MPP7: variants seen among roughly 807,000 people sequenced by gnomAD.
MPP7 encodes the protein MAGUK p55 subfamily member 7.
In MPP7, 60 loss-of-function variants were observed where a neutral mutation model predicts 76.5. That is an observed-to-expected ratio of 0.78 (90% CI 0.64 to 0.97). MPP7 has a LOEUF of 0.97. MPP7 is among the 50% of genes least tolerant of loss of function. The pLI is 0.00. For missense variants in MPP7, 641 were observed against 694.0 expected (o/e 0.92, Z 0.86); for synonymous variants, 237 against 244.5 (o/e 0.97, Z 0.29).
At chr10:28,057,643 T>C (rs553719232) in intron 15 of MPP7, 2 of 221,940 alleles carry the variant, frequency 9.0e-6, no homozygotes, top group East Asian at 2.5e-4. Flanking sequence ...TTTAGTAAAT[T>C]ACCCAGTTTC....
intron 2 of MPP7, among the ~76,000 whole-genome samples, chr10:28,325,228 AGCACAGG>A (rs1834400235): frequency 6.6e-6 from 1 of 152,228 alleles, no homozygotes; most frequent in Non-Finnish European, 1.5e-5. Flanking sequence ...TATGTGGCTT[AGCACAGG>A]GCTTGCCTCA....
In MPP7 at chr10:28,058,606, G is replaced by A; in HGVS notation, c.1299-3C>T. 6.7e-7 allele frequency: 1 copy of A among 1,500,126 alleles called. No individual in the cohort carries two copies. The highest frequency in any genetic ancestry group is 9.1e-7 in the Non-Finnish European group (1 of 1,095,144). The allele number at this position is 1,500,126 out of a possible 1,614,324, so 92.9% of individuals were successfully genotyped here. Reference sequence around the variant, plus strand: ...TATATTCTCCATATTCAATAAACCTGTAAAAAATTAAATGCATTGGAATCA... The same window carrying A: ...TATATTCTCCATATTCAATAAACCTATAAAAAATTAAATGCATTGGAATCA... On this transcript the variant is annotated splice_polypyrimidine_tract_variant and splice_region_variant and intron_variant, in intron 14 of 16. Coordinates refer to ENST00000683449, the MANE Select transcript of MPP7 (RefSeq NM_001318170.2).
chr10:28,327,511 C>A (rs760395309), intron 2 of MPP7, among the ~76,000 whole-genome samples: 77 of 152,124 alleles, frequency 5.1e-4, no homozygotes, highest in Non-Finnish European at 7.1e-4. Flanking sequence ...ACAGAAATAA[C>A]AACTTTTGAT....
At chr10:28,071,092 G>A (rs992470555) in intron 12 of MPP7, among the ~76,000 whole-genome samples, 1 of 152,226 alleles carries the variant, frequency 6.6e-6, no homozygotes, top group Admixed American at 6.5e-5. Flanking sequence ...TTCTAAAAGT[G>A]TGCCTGTTCC....
rs1840132266 is a variant in MPP7 at position 28,265,809 on chromosome 10, G to A, written c.-131-27074C>T. The stretch of plus-strand genomic sequence containing the variant: ...AAGCAGAGTAAGTGCAGAGGAAAGG[G>A]AAAGAATGGGTTTTAGGATTATCCA... On this transcript the variant is annotated intron_variant, in intron 1 of 16. Transcript: ENST00000683449. Among the ~76,000 whole-genome samples, 3 of 152,182 alleles carry A rather than the reference G, an allele frequency of 2.0e-5. No individual in the cohort carries two copies. In the South Asian group the frequency reaches 6.2e-4, roughly 32 times the overall value.
chr10:28,102,820 C>T (rs1417113937), intron 11 of MPP7, among the ~76,000 whole-genome samples: 2 of 152,182 alleles, frequency 1.3e-5, no homozygotes, highest in Non-Finnish European at 2.9e-5. Flanking sequence ...CATCATCTGC[C>T]TGAATGACTA....
intron 3 of MPP7, among the ~76,000 whole-genome samples, chr10:28,197,104 G>A (rs571558534): frequency 6.6e-6 from 1 of 151,748 alleles, no homozygotes; most frequent in African/African-American, 2.4e-5. Flanking sequence ...TTGCCTCCAG[G>A]TGTTCGCATC....
chr10:28,318,459 G>GTGGA (rs1402051493), intron 2 of MPP7, among the ~76,000 whole-genome samples: 1 of 152,170 alleles, frequency 6.6e-6, no homozygotes, highest in Non-Finnish European at 1.5e-5. Flanking sequence ...GCCAAGGTAG[G>GTGGA]TGGATTACTT....
At chr10:28,233,400 A>C (rs1838955744) in intron 2 of MPP7, among the ~76,000 whole-genome samples, 1 of 152,148 alleles carries the variant, frequency 6.6e-6, no homozygotes, top group Admixed American at 6.5e-5. Context: ...TTGTCAGCTG[A>C]AAGAGGCTTA....
intron 11 of MPP7, among the ~76,000 whole-genome samples, chr10:28,113,343 T>C (rs1166906296): frequency 6.6e-6 from 1 of 152,140 alleles, no homozygotes; most frequent in African/African-American, 2.4e-5. Context: ...TGCTCTCCTC[T>C]CTGGGATCTG....
chr10:28,320,092 T>C (rs1294572418), intron 2 of MPP7, among the ~76,000 whole-genome samples: 2 of 152,238 alleles, frequency 1.3e-5, no homozygotes, highest in East Asian at 3.9e-4. Flanking sequence ...GCACTGAATG[T>C]CTCTATGTAA....
intron 11 of MPP7, among the ~76,000 whole-genome samples, chr10:28,100,082 A>G (rs1386673582): frequency 7.0e-6 from 1 of 143,138 alleles, no homozygotes; most frequent in African/African-American, 2.9e-5. Context: ...AACTACAAGG[A>G]AAAAAAAAAT....
At chr10:28,108,230 T>C (rs556968253) in intron 11 of MPP7, among the ~76,000 whole-genome samples, 3 of 152,286 alleles carry the variant, frequency 2.0e-5, no homozygotes, top group Admixed American at 2.0e-4. Context: ...ACCACTAACC[T>C]CACAGTATTA....
chr10:28,097,176 G>A (rs1853610410), intron 11 of MPP7, among the ~76,000 whole-genome samples: 1 of 151,998 alleles, frequency 6.6e-6, no homozygotes, highest in South Asian at 2.1e-4. Flanking sequence ...ACTGTATTTT[G>A]TAGAGATGGA....
At chr10:28,227,184 T>A (rs557621807) in intron 2 of MPP7, among the ~76,000 whole-genome samples, 1 of 152,196 alleles carries the variant, frequency 6.6e-6, no homozygotes, top group African/African-American at 2.4e-5. Flanking sequence ...GAATACAAGC[T>A]CTGTGTACAA....
chr10:28,182,672 G>A (rs952186344), intron 3 of MPP7, among the ~76,000 whole-genome samples: 13 of 152,222 alleles, frequency 8.5e-5, no homozygotes, highest in African/African-American at 2.9e-4. Flanking sequence ...CATGAGAATA[G>A]ATGATTTGTT....
At chr10:28,320,974 A>G (rs1834364326) in intron 2 of MPP7, among the ~76,000 whole-genome samples, 1 of 152,132 alleles carries the variant, frequency 6.6e-6, no homozygotes. Flanking sequence ...ATGGCACAGG[A>G]CATGCTCAGG....
intron 11 of MPP7, among the ~76,000 whole-genome samples, chr10:28,106,277 A>G (rs962017257): frequency 2.0e-5 from 3 of 152,204 alleles, no homozygotes; most frequent in South Asian, 2.1e-4. Context: ...ACCTCTCGCT[A>G]CTAAAAGCAG....
intron 11 of MPP7, among the ~76,000 whole-genome samples, chr10:28,098,521 A>C (rs1356817295): frequency 6.6e-6 from 1 of 151,380 alleles, no homozygotes; most frequent in East Asian, 1.9e-4. Flanking sequence ...CAAAATTACT[A>C]GATTATATAA....
Sources: gnomAD v4.1 joint callset for allele counts (sites outside exome capture counted in the v4.1 genomes callset) on GRCh38, gnomAD v4.1.1 for gene constraint, MANE v1.5 for transcripts, NCBI Gene and HGNC (gene_info 2026-07-23, HGNC 2026-07-21) for gene names.